The following HOOK3 variants were observed in gnomAD, a reference collection of about 807,000 sequenced individuals.
HOOK3 encodes protein Hook homolog 3.
A neutral mutation model predicts 116.3 loss-of-function variants in HOOK3; 24 were observed. The ratio of observed to expected loss-of-function variants is 0.21; its 90% CI spans 0.15 to 0.29. The LOEUF is 0.29. HOOK3 is among the 10% of genes least tolerant of loss of function. The pLI, the probability that HOOK3 is intolerant of heterozygous loss-of-function variation, is 1.00. For missense variants in HOOK3, 632 were observed against 830.2 expected (o/e 0.76, Z 2.93); for synonymous variants, 275 against 283.0 (o/e 0.97, Z 0.28).
At chr8:43,015,152 A>G (rs1467725358) in intron 21 of HOOK3, among the ~76,000 whole-genome samples, 1 of 152,154 alleles carries the variant, frequency 6.6e-6, no homozygotes, top group African/African-American at 2.4e-5. Flanking sequence ...AAAACAAAAA[A>G]CAAAAACTGC....
chr8:42,985,324 C>T (rs1310963024), intron 14 of HOOK3, among the ~76,000 whole-genome samples: 1 of 151,826 alleles, frequency 6.6e-6, no homozygotes, highest in Non-Finnish European at 1.5e-5. Flanking sequence ...ATCTAAATGC[C>T]CAATAATTGG....
chr8:42,976,352 A>T (rs915875071), intron 13 of HOOK3, among the ~76,000 whole-genome samples: 1 of 152,052 alleles, frequency 6.6e-6, no homozygotes, highest in Non-Finnish European at 1.5e-5. Context: ...AACAAAAAAA[A>T]TTTAAAAATT....
At chr8:43,003,262 C>T (rs1809412634) in intron 17 of HOOK3, among the ~76,000 whole-genome samples, 1 of 152,160 alleles carries the variant, frequency 6.6e-6, no homozygotes, top group Non-Finnish European at 1.5e-5. Flanking sequence ...CTCATGCTAT[C>T]CAGTTTGTGT....
intron 10 of HOOK3, among the ~76,000 whole-genome samples, chr8:42,967,513 A>G (rs936649170): frequency 6.6e-6 from 1 of 152,092 alleles, no homozygotes; most frequent in African/African-American, 2.4e-5. Flanking sequence ...ACTGTGTTAC[A>G]TCAATCCTCA....
intron 15 of HOOK3, among the ~76,000 whole-genome samples, chr8:42,991,594 GT>G (rs1441857167): frequency 6.6e-6 from 1 of 152,012 alleles, no homozygotes. Context: ...TAGAGACAGG[GT>G]TTTGCCCGGT....
intron 1 of HOOK3, among the ~76,000 whole-genome samples, chr8:42,904,160 G>A (rs942651309): frequency 6.6e-6 from 1 of 152,074 alleles, no homozygotes; most frequent in Non-Finnish European, 1.5e-5. Flanking sequence ...TTTGTGTGAA[G>A]ACATATGGTC....
At chr8:42,963,167 T>C (rs558837489) in intron 8 of HOOK3, among the ~76,000 whole-genome samples, 2 of 152,188 alleles carry the variant, frequency 1.3e-5, no homozygotes, top group Admixed American at 6.5e-5. Flanking sequence ...GTTAATTCTT[T>C]CTTATTGCTG....
Position 42,916,187 on chromosome 8 carries a change from A to G in HOOK3, c.144-9370A>G, listed in dbSNP as rs1357337839. On this transcript the variant is annotated intron_variant, in intron 2 of 21. Transcript: ENST00000307602. ...GAGCCTGCCCTGCCCACCCTTTTTAATATTGCCGCCGCCTCTTATCCTGCT... is the reference window on the plus strand; with the variant it reads ...GAGCCTGCCCTGCCCACCCTTTTTAGTATTGCCGCCGCCTCTTATCCTGCT... 2.6e-5 allele frequency among the ~76,000 whole-genome samples: 4 copies of G among 152,186 alleles called. No homozygotes were observed. The East Asian group carries it at 7.7e-4, about 29-fold the overall frequency.
chr8:42,974,553 T>C (rs1236086498), intron 13 of HOOK3, among the ~76,000 whole-genome samples: 1 of 152,240 alleles, frequency 6.6e-6, no homozygotes, highest in Non-Finnish European at 1.5e-5. Context: ...GATTTATTTC[T>C]AGTAGTATAA....
At chr8:42,929,064 A>G (rs1253392470) in intron 3 of HOOK3, among the ~76,000 whole-genome samples, 1 of 152,182 alleles carries the variant, frequency 6.6e-6, no homozygotes, top group Non-Finnish European at 1.5e-5. Context: ...AAATACATAA[A>G]TAAAGATAAG....
chr8:42,962,624 T>A (rs1036994624), intron 8 of HOOK3, among the ~76,000 whole-genome samples: 2 of 151,498 alleles, frequency 1.3e-5, no homozygotes, highest in African/African-American at 4.8e-5. Context: ...CAGGCTGTTC[T>A]CCAACTCCTA....
intron 2 of HOOK3, among the ~76,000 whole-genome samples, chr8:42,919,170 G>C (rs1807595247): frequency 6.7e-6 from 1 of 150,018 alleles, no homozygotes. Flanking sequence ...GGGCAGAGGG[G>C]CTCCTCACTT....
chr8:43,027,393 C>A lies in HOOK3; in HGVS notation c.*8895C>A, dbSNP rs1809951041. 2 of 406,310 alleles carry A rather than the reference C, an allele frequency of 4.9e-6. No individual in the cohort carries two copies. Among genetic ancestry groups the A allele is most frequent in the East Asian group, 1.1e-4 (2 of 18,172 alleles). 25.2% of individuals were successfully genotyped at this position (406,310 alleles called of 1,614,324 possible). ...TACTGCCAAAGAATAGAGAGATTTG[C>A]TTATGAGAACATTCTGTCATTTGTT... is the stretch of plus-strand genomic sequence containing the variant. On this transcript the variant is annotated 3_prime_UTR_variant, in exon 22 of 22. Coordinates refer to ENST00000307602, the MANE Select transcript of HOOK3 (RefSeq NM_032410.4).
chr8:42,923,441 A>G (rs1265638102), intron 2 of HOOK3, among the ~76,000 whole-genome samples: 1 of 152,226 alleles, frequency 6.6e-6, no homozygotes, highest in Admixed American at 6.5e-5. Flanking sequence ...TAAATGAATA[A>G]ACAAAATGTG....
intron 6 of HOOK3, 55 bp downstream of exon 6, chr8:42,950,510 G>A (rs1808319172): frequency 8.7e-7 from 1 of 1,149,000 alleles, no homozygotes; most frequent in Admixed American, 1.9e-5. Flanking sequence ...GTAAACATGA[G>A]TATGAATAAT....
chr8:42,973,167 T>C, intron 11 of HOOK3, 122 bp from the exon 12 acceptor site: 1 of 1,077,912 alleles, frequency 9.3e-7, no homozygotes, highest in East Asian at 2.6e-5. Flanking sequence ...GTTAGACTGC[T>C]GGATCATATG....
rs1231415807 is a variant in HOOK3 at position 43,030,409 on chromosome 8, A to G, written c.*11911A>G. On this transcript the variant is annotated 3_prime_UTR_variant, in exon 22 of 22. Transcript: ENST00000307602. ...ATATGTATGCATATAATATATGTAT[A>G]TGTATATGAAGAATAAAGTTAAGAT... The G allele has an allele frequency of 1.7e-5, 3 of 178,826 alleles. No homozygotes were observed. Among genetic ancestry groups the G allele is most frequent in the African/African-American group, 7.1e-5 (3 of 42,340 alleles). 11.1% of individuals were successfully genotyped at this position (178,826 alleles called of 1,614,324 possible). A position where few individuals can be genotyped will look rare whatever the true frequency, so the allele number is the denominator to read the frequency against.
intron 1 of HOOK3, among the ~76,000 whole-genome samples, chr8:42,899,936 G>A (rs983084178): frequency 2.6e-5 from 4 of 152,206 alleles, no homozygotes; most frequent in Non-Finnish European, 5.9e-5. Flanking sequence ...TGAGATTGGA[G>A]AGATGTATAT....
At chr8:42,982,254 T>TAAA (rs1162075588) in intron 13 of HOOK3, among the ~76,000 whole-genome samples, 6 of 89,592 alleles carry the variant, frequency 6.7e-5, no homozygotes, top group South Asian at 7.1e-4. Flanking sequence ...GACTCTGTCT[T>TAAA]AAAAAAAAAA....
Sources: gnomAD v4.1 joint callset for allele counts (sites outside exome capture counted in the v4.1 genomes callset) on GRCh38, gnomAD v4.1.1 for gene constraint, MANE v1.5 for transcripts, NCBI Gene and HGNC (gene_info 2026-07-23, HGNC 2026-07-21) for gene names.